Variants in ANK2 observed in about 807,000 individuals in gnomAD.
The protein encoded by ANK2 is ankyrin-2.
In ANK2, 83 loss-of-function variants were observed where a neutral mutation model predicts 360.5. The observed-to-expected ratio is 0.23, with a 90% CI of 0.19 to 0.28. The LOEUF (loss-of-function observed/expected upper bound fraction) is 0.28, where lower values mean the gene tolerates loss of function less well. Among genes scored for constraint, ANK2 ranks in the 10% least tolerant of loss-of-function variants. The pLI, the probability that ANK2 is intolerant of heterozygous loss-of-function variation, is 1.00. For missense variants in ANK2, 4,201 were observed against 4,795.7 expected (o/e 0.88, Z 3.66); for synonymous variants, 1,740 against 1,759.5 (o/e 0.99, Z 0.28).
intron 2 of ANK2, 30 bp downstream of exon 2, chr4:113,174,547 T>G: frequency 6.7e-7 from 1 of 1,486,730 alleles, no homozygotes; most frequent in East Asian, 2.3e-5. Flanking sequence ...CTCTGTGTTG[T>G]GCAACGAAGG....
intron 23 of ANK2, among the ~76,000 whole-genome samples, chr4:113,309,312 G>C (rs2078731427): frequency 6.6e-6 from 1 of 152,118 alleles, no homozygotes; most frequent in South Asian, 2.1e-4. Context: ...ACATAATCAA[G>C]ACATTGACTA....
chr4:112,845,758 G>A (rs888614790), intron 1 of ANK2, among the ~76,000 whole-genome samples: 8 of 152,186 alleles, frequency 5.3e-5, no homozygotes, highest in African/African-American at 1.9e-4. Flanking sequence ...ACCTGTCAAC[G>A]TACAAGTATT....
chr4:113,010,466 A>G (rs2054345854), intron 2 of ANK2, among the ~76,000 whole-genome samples: 2 of 152,192 alleles, frequency 1.3e-5, no homozygotes, highest in African/African-American at 4.8e-5. Context: ...AGCGTAGACT[A>G]TGCACCTGAC....
chr4:112,859,060 C>A (rs1057121338), intron 1 of ANK2, among the ~76,000 whole-genome samples: 1 of 152,206 alleles, frequency 6.6e-6, no homozygotes, highest in Non-Finnish European at 1.5e-5. Context: ...TGGCACTCTG[C>A]ACTCTTCCTA....
intron 2 of ANK2, among the ~76,000 whole-genome samples, chr4:113,029,820 G>A (rs902985426): frequency 1.3e-5 from 2 of 152,024 alleles, no homozygotes; most frequent in Non-Finnish European, 2.9e-5. Context: ...AGATTAAAGA[G>A]GTACAGTTAT....
chr4:112,840,064 G>A (rs926961412), intron 1 of ANK2, among the ~76,000 whole-genome samples: 1 of 152,158 alleles, frequency 6.6e-6, no homozygotes, highest in African/African-American at 2.4e-5. Flanking sequence ...CTATGTGCTG[G>A]AGGTACAAAG....
intron 2 of ANK2, among the ~76,000 whole-genome samples, chr4:113,189,723 T>A (rs952315103): frequency 1.3e-5 from 2 of 152,198 alleles, no homozygotes; most frequent in Admixed American, 6.5e-5. Context: ...TCCTGCCACC[T>A]CTTTCTTCTC....
chr4:113,001,245 C>T (rs1199635779), intron 2 of ANK2, among the ~76,000 whole-genome samples: 7 of 149,530 alleles, frequency 4.7e-5, no homozygotes, highest in South Asian at 2.1e-4. Flanking sequence ...GCAGGAGAAT[C>T]GCTTGAACCT....
intron 10 of ANK2, among the ~76,000 whole-genome samples, chr4:113,250,450 G>A (rs534448792): frequency 1.2e-4 from 18 of 152,166 alleles, no homozygotes; most frequent in African/African-American, 4.1e-4. Context: ...TTTTCCTCCC[G>A]TTTTATCAAT....
At chr4:112,789,758 G>A in the ANK2 span, among the ~76,000 whole-genome samples, 1 of 152,174 alleles carries the variant, frequency 6.6e-6, no homozygotes, top group South Asian at 2.1e-4. Context: ...AAGGTATGCT[G>A]CTAGAGAAGA....
intron 1 of ANK2, among the ~76,000 whole-genome samples, chr4:112,818,426 T>C (rs1229554235): frequency 1.3e-5 from 2 of 152,196 alleles, no homozygotes; most frequent in East Asian, 3.9e-4. Context: ...GCAGCGCTGA[T>C]GTGCAAATGT....
intron 2 of ANK2, among the ~76,000 whole-genome samples, chr4:112,914,827 A>G (rs545405470): frequency 2.0e-4 from 30 of 152,278 alleles, no homozygotes; most frequent in African/African-American, 6.7e-4. Flanking sequence ...CCTGTATCAC[A>G]GTTGAAATGA....
At chr4:112,882,654 A>C (rs2077021235) in intron 1 of ANK2, among the ~76,000 whole-genome samples, 1 of 152,158 alleles carries the variant, frequency 6.6e-6, no homozygotes, top group African/African-American at 2.4e-5. Flanking sequence ...TGAATTATCC[A>C]AATTAAAATT....
Position 113,353,071 on chromosome 4 carries a change from T to C in ANK2, c.4453T>C (p.Ser1485Pro), listed in dbSNP as rs1174581645. The C allele has an allele frequency of 1.9e-6, 3 of 1,613,728 alleles. No homozygotes were observed. The highest frequency in any genetic ancestry group is 2.7e-5 in the African/African-American group (2 of 74,912). ...KNDETESTETSVLKSHLVNEV... is the reference protein window; with the variant it reads ...KNDETESTETPVLKSHLVNEV... Reference sequence around the variant, plus strand: ...TGATGAGACAGAATCTACAGAAACATCTGTCCTGAAAAGTCACCTGGTTAA... The same window carrying C: ...TGATGAGACAGAATCTACAGAAACACCTGTCCTGAAAAGTCACCTGGTTAA... Residue 1485 changes from serine to proline, a missense_variant, in exon 38 of 46, where the codon TCT (serine) becomes CCT (proline). By Grantham distance (74) the Ser-to-Pro change is moderately conservative. Around this residue, in one of 4 missense-constraint regions of ANK2, gnomAD observed 1,268 missense variants for 1,650.8 expected, o/e 0.77. Transcript: ENST00000357077.
intron 1 of ANK2, among the ~76,000 whole-genome samples, chr4:113,139,762 A>T: frequency 6.6e-6 from 1 of 152,218 alleles, no homozygotes; most frequent in Middle Eastern, 3.2e-3. Context: ...TCGGAAAGCT[A>T]TGCAAGCTGT....
At chr4:112,802,182 T>C in the ANK2 span, among the ~76,000 whole-genome samples, 85,021 of 151,582 alleles carry the variant, frequency 0.56, 24,604 homozygotes, top group East Asian at 0.88. Flanking sequence ...GAGGTATTTG[T>C]GCAACAACTG....
At chr4:113,337,171 G>A (rs180870700) in intron 31 of ANK2, among the ~76,000 whole-genome samples, 1 of 152,276 alleles carries the variant, frequency 6.6e-6, no homozygotes, top group African/African-American at 2.4e-5. Flanking sequence ...CTTCATTGAA[G>A]AGATCACTAA....
rs569028160 is a variant in ANK2 at position 113,248,972 on chromosome 4, C to A, written c.892-792C>A. On this transcript the variant is annotated intron_variant, in intron 9 of 45. Coordinates refer to ENST00000357077, the MANE Select transcript of ANK2 (RefSeq NM_001148.6). Reference sequence around the variant, plus strand: ...CCACCCACTCTGCTTTTTGCCCATGCCACCCTAAAGAGAAATAAAATATAA... The same window carrying A: ...CCACCCACTCTGCTTTTTGCCCATGACACCCTAAAGAGAAATAAAATATAA... Among the ~76,000 whole-genome samples the A allele has an allele frequency of 2.0e-5, 3 of 152,240 alleles. No homozygotes were observed. The South Asian group carries it at 6.2e-4, about 32-fold the overall frequency.
upstream of ANK2, among the ~76,000 whole-genome samples, chr4:112,814,734 C>A (rs1362906487): frequency 6.6e-6 from 1 of 152,074 alleles, no homozygotes; most frequent in Non-Finnish European, 1.5e-5. Context: ...TTGCTGTAGT[C>A]CAGGAGACAA....
Sources: allele counts gnomAD v4.1 joint callset (sites outside exome capture counted in the v4.1 genomes callset), GRCh38; gene constraint gnomAD v4.1.1; regional missense constraint gnomAD v4.1.1; transcripts MANE v1.5; gene names NCBI Gene and HGNC (gene_info 2026-07-23, HGNC 2026-07-21).